The following MDC1 variants were observed in gnomAD, a reference collection of about 807,000 sequenced individuals.
The protein encoded by MDC1 is mediator of DNA damage checkpoint 1.
Under a neutral mutation model 142.5 loss-of-function variants are expected in MDC1, and 81 were observed. The observed-to-expected ratio is 0.57, with a 90% CI of 0.47 to 0.68. The LOEUF (loss-of-function observed/expected upper bound fraction) is 0.68, where lower values mean the gene tolerates loss of function less well. MDC1 is among the 30% of genes least tolerant of loss of function. MDC1 has a pLI of 0.00. For missense variants in MDC1, 2,119 were observed against 2,547.9 expected (o/e 0.83, Z 3.62); for synonymous variants, 797 against 968.4 (o/e 0.82, Z 3.29).
In MDC1 at chr6:30,704,574, G is replaced by T. The variant is rs1230330371; in HGVS notation, c.4609C>A (p.Leu1537Ile). ...PETVVPAAPELQPSTSTDQPV... is the reference protein window; with the variant it reads ...PETVVPAAPEIQPSTSTDQPV... Reference sequence around the variant, plus strand: ...TGGTCTGTGGAGGTGGAAGGCTGGAGCTCAGGGGCTGCGGGCACAACTGTT... The same window carrying T: ...TGGTCTGTGGAGGTGGAAGGCTGGATCTCAGGGGCTGCGGGCACAACTGTT... The change falls in exon 10 of 15, where the codon CTC becomes ATC. Residue 1537 changes from leucine to isoleucine, a missense_variant. Leu to Ile is a conservative substitution (Grantham distance 5, BLOSUM62 2). Transcript: ENST00000376406. 14 of 1,608,152 alleles carry T rather than the reference G, an allele frequency of 8.7e-6. No individual in the cohort carries two copies. Among genetic ancestry groups the T allele is most frequent in the Non-Finnish European group, 1.1e-5 (13 of 1,177,070 alleles).
Position 30,715,448 on chromosome 6 carries a change from C to T in MDC1, c.-3-270G>A, listed in dbSNP as rs1445659396. 6.6e-6 allele frequency among the ~76,000 whole-genome samples: 1 copy of T among 152,190 alleles called. No homozygotes were observed. Among genetic ancestry groups the T allele is most frequent in the Non-Finnish European group, 1.5e-5 (1 of 68,042 alleles). On this transcript the variant is annotated intron_variant, in intron 1 of 14. Transcript: ENST00000376406. This position sits in a 1 kb window ranked among gnomAD's most constrained non-coding sequence, Gnocchi z 4.1. Reference sequence around the variant, plus strand: ...TGCCTCCCGGGTTTCAAGCAATTCTCTCACCTCAGCCTCCCAAGTAGCTGA... The same window carrying T: ...TGCCTCCCGGGTTTCAAGCAATTCTTTCACCTCAGCCTCCCAAGTAGCTGA...
Sources: gnomAD v4.1 joint callset for allele counts (sites outside exome capture counted in the v4.1 genomes callset) on GRCh38, gnomAD v4.1.1 for gene constraint, Gnocchi (gnomAD v3.1) non-coding constraint, MANE v1.5 for transcripts, NCBI Gene and HGNC (gene_info 2026-07-23, HGNC 2026-07-21) for gene names.